Variants in DNHD1 observed in about 807,000 individuals in gnomAD.
DNHD1 encodes the protein dynein heavy chain domain-containing protein 1.
A neutral mutation model predicts 458.1 loss-of-function variants in DNHD1; 383 were observed. That is an observed-to-expected ratio of 0.84 (90% CI 0.77 to 0.91). DNHD1 has a LOEUF of 0.91. Among genes scored for constraint, DNHD1 ranks in the 40% least tolerant of loss-of-function variants. DNHD1 has a pLI of 0.00. For synonymous variants in DNHD1, 2,203 were observed against 2,376.9 expected (o/e 0.93, Z 2.13); for missense variants, 5,336 against 5,866.1 (o/e 0.91, Z 2.95).
In DNHD1 at chr11:6,556,984, G is replaced by A; in HGVS notation, c.7689G>A (p.Leu2563=). The A allele has an allele frequency of 6.4e-7, 1 of 1,551,724 alleles. No individual in the cohort carries two copies. ...VERERALARG[L]VRASVEAWEA... is the part of the protein sequence containing the mutation. ...GGGAGCGTGCTCTGGCACGAGGTCT[G>A]GTTAGGGCCTCAGTAGAGGCCTGGG... The change falls in exon 25 of 43, where the codon CTG becomes CTA. Residue 2563 remains leucine (L), a synonymous_variant. Coordinates refer to ENST00000254579, the MANE Select transcript of DNHD1 (RefSeq NM_144666.3).
intron 4 of DNHD1, among the ~76,000 whole-genome samples, chr11:6,507,114 T>G (rs1442610254): frequency 6.6e-6 from 1 of 152,194 alleles, no homozygotes; most frequent in Non-Finnish European, 1.5e-5. Context: ...ATACTCCAGT[T>G]GATTCTGAGC....
chr11:6,520,180 G>T, intron 9 of DNHD1, 58 bp from the exon 10 acceptor site: 1 of 1,604,002 alleles, frequency 6.2e-7, no homozygotes, highest in Non-Finnish European at 8.5e-7. Context: ...CTCACAACCT[G>T]GTTTGAATCC....
rs374914137 is a variant in DNHD1, at chr11:6,570,864, A to G, written c.13352A>G (p.Glu4451Gly). Residue 4451 changes from glutamate to glycine, a missense_variant, in exon 42 of 43, where the codon GAG becomes GGG. By Grantham distance (98) the Glu-to-Gly change is moderately conservative. Coordinates refer to ENST00000254579, the MANE Select transcript of DNHD1 (RefSeq NM_144666.3). ...QRLVQVNRRL[E>G]SLQDLLTHVI... is the part of the protein sequence containing the mutation. ...CTAGTGCAAGTCAACCGGAGGCTGG[A>G]GTCACTGCAGGATCTGCTGACCCAC... The G allele has an allele frequency of 4.3e-6, 7 of 1,613,920 alleles. No homozygotes were observed. Among genetic ancestry groups the G allele is most frequent in the African/African-American group, 2.7e-5 (2 of 74,954 alleles).
rs1852763423 is a variant in DNHD1 at position 6,528,604 on chromosome 11, C to A, written c.1920C>A (p.Phe640Leu). ...AGCCCAGCGATGCTGTGAGCATCTT[C>A]TGTGGCCCGAATGTGGGATTGGTGT... ...QGQPSDAVSI[F>L]CGPNVGLVWP... The change falls in exon 11 of 43, where the codon TTC (phenylalanine) becomes TTA (leucine). Residue 640 changes from phenylalanine to leucine, a missense_variant. Coordinates refer to ENST00000254579, the MANE Select transcript of DNHD1 (RefSeq NM_144666.3). The A allele has an allele frequency of 6.4e-7, 1 of 1,551,628 alleles. No homozygotes were observed. The highest frequency in any genetic ancestry group is 1.4e-5 in the African/African-American group (1 of 73,058).
Position 6,566,332 on chromosome 11 carries a change from G to GCAGCTGAGTCCACCCCAT in DNHD1, c.11145_11146insCAGCTGAGTCCACCCCAT (p.Gln3715_Val3716insGlnLeuSerProProHis). 1 of 1,553,836 alleles carries GCAGCTGAGTCCACCCCAT rather than the reference G, an allele frequency of 6.4e-7. No individual in the cohort carries two copies. Among genetic ancestry groups the GCAGCTGAGTCCACCCCAT allele is most frequent in the African/African-American group, 1.4e-5 (1 of 73,228 alleles). On this transcript the variant is annotated inframe_insertion, in exon 34 of 43. Coordinates refer to ENST00000254579, the MANE Select transcript of DNHD1 (RefSeq NM_144666.3). ...AACGGGAGCAGCTGAGTCCACCCCA[G>GCAGCTGAGTCCACCCCAT]GTGCAGCCTGGCTTCTGTCTGTATC...
intron 10 of DNHD1, chr11:6,520,986 G>T: frequency 6.0e-6 from 3 of 501,460 alleles, no homozygotes; most frequent in Non-Finnish European, 7.7e-6. Flanking sequence ...AAGGTTCACT[G>T]AAAGGAACCT....
In DNHD1 at chr11:6,557,052, A is replaced by G; in HGVS notation, c.7757A>G (p.His2586Arg). 1 of 1,551,422 alleles carries G rather than the reference A, an allele frequency of 6.4e-7. No homozygotes were observed. The highest frequency in any genetic ancestry group is 8.7e-7 in the Non-Finnish European group (1 of 1,146,944). Residue 2586 changes from histidine to arginine, a missense_variant, in exon 25 of 43, where the codon CAC becomes CGC. By Grantham distance (29) the His-to-Arg change is conservative. Coordinates refer to ENST00000254579, the MANE Select transcript of DNHD1 (RefSeq NM_144666.3). ...TTCATGCCTTCACCCCTCCACCCAC[A>G]CTACCACTTCTCCCTACACTCTGTG... is the stretch of plus-strand genomic sequence containing the variant. ...NCFMPSPLHP[H>R]YHFSLHSVSH...
chr11:6,520,467 G>A, intron 10 of DNHD1, 178 bp downstream of exon 10: 6 of 1,445,360 alleles, frequency 4.2e-6, no homozygotes, highest in Non-Finnish European at 5.5e-6. Context: ...GTCAGGGAAT[G>A]TTTTTGCTCA....
At chr11:6,504,084 C>G (rs1268013594) in intron 4 of DNHD1, 1 of 152,190 alleles carries the variant, frequency 6.6e-6, no homozygotes, top group Non-Finnish European at 1.5e-5. Flanking sequence ...TCTAATACAG[C>G]CTCCCAAATA....
At position 6,547,951 on chromosome 11, in the gene DNHD1, T is replaced by C. The variant is rs189919115; in HGVS notation, c.6816T>C (p.Asp2272=). ...FLNRSQVDSD[D]VPDKCREHLL... is the part of the protein sequence containing the mutation. The stretch of plus-strand genomic sequence containing the variant: ...ACCGGTCCCAGGTTGACAGTGACGA[T>C]GTGCCAGATAAGTGCAGGGAACACT... Residue 2272 remains aspartate (D), a synonymous_variant, in exon 22 of 43, where the codon GAT becomes GAC. Coordinates refer to ENST00000254579, the MANE Select transcript of DNHD1 (RefSeq NM_144666.3). 16 of 1,551,868 alleles carry C rather than the reference T, an allele frequency of 1.0e-5. No individual in the cohort carries two copies. The Admixed American group carries it at 1.8e-4, about 17-fold the overall frequency.
In DNHD1 at chr11:6,544,948, G is replaced by T. The variant is rs1853175065; in HGVS notation, c.4009G>T (p.Glu1337Ter). 3 of 1,551,624 alleles carry T rather than the reference G, an allele frequency of 1.9e-6. No individual in the cohort carries two copies. The highest frequency in any genetic ancestry group is 2.0e-5 in the Admixed American group (1 of 50,988). ...LQQLLQAGSV[E>*]LEGIIMSLES... ...ACAACTGCTGCAAGCAGGATCGGTGGAGCTGGAGGGCATCATCATGAGTCT... is the reference window on the plus strand; with the variant it reads ...ACAACTGCTGCAAGCAGGATCGGTGTAGCTGGAGGGCATCATCATGAGTCT... Residue 1337 changes from glutamate (E) to a stop codon, truncating the protein, a stop_gained, in exon 21 of 43, where the codon GAG becomes TAG. Transcript: ENST00000254579. LOFTEE classifies it high-confidence loss of function.
chr11:6,557,230 T>C lies in DNHD1; in HGVS notation c.7935T>C (p.Arg2645=). The stretch of plus-strand genomic sequence containing the variant: ...TGATGGCCACACGCAATGTGGTGCG[T>C]CTTTGGTTGCATGAGGCACAGAGAA... ...TVMMATRNVV[R]LWLHEAQRTF... is the part of the protein sequence containing the mutation. The change falls in exon 25 of 43, where the codon CGT becomes CGC. Residue 2645 remains arginine (R), a synonymous_variant. Coordinates refer to ENST00000254579, the MANE Select transcript of DNHD1 (RefSeq NM_144666.3). The C allele has an allele frequency of 6.4e-7, 1 of 1,551,592 alleles. No individual in the cohort carries two copies. Among genetic ancestry groups the C allele is most frequent in the Non-Finnish European group, 8.7e-7 (1 of 1,146,996 alleles).
At chr11:6,566,499 T>G in intron 34 of DNHD1, 88 bp from the exon 35 acceptor site, 1 of 1,556,944 alleles carries the variant, frequency 6.4e-7, no homozygotes, top group Non-Finnish European at 8.7e-7. Flanking sequence ...CAGGCACAGG[T>G]CTATAGCAGG....
chr11:6,571,603 T>C lies in DNHD1; in HGVS notation c.13912-33T>C. 6.6e-7 allele frequency: 1 copy of C among 1,510,376 alleles called. No individual in the cohort carries two copies. The highest frequency in any genetic ancestry group is 8.9e-7 in the Non-Finnish European group (1 of 1,124,706). The allele number at this position is 1,510,376 out of a possible 1,614,324, so 93.6% of individuals were successfully genotyped here. ...TCCCACCTGCCACCTCCCAGCTTCC[T>C]AGCCTTGCCTGACCAGCTTCTGACG... On this transcript the variant is annotated intron_variant, in intron 42 of 42. Coordinates refer to ENST00000254579, the MANE Select transcript of DNHD1 (RefSeq NM_144666.3). The surrounding 1 kb of genome is among the most constrained non-coding windows in gnomAD (Gnocchi z 5.0).
Position 6,557,288 on chromosome 11 carries a change from C to A in DNHD1, c.7993C>A (p.Arg2665Ser). 1.9e-6 allele frequency: 3 copies of A among 1,551,532 alleles called. No homozygotes were observed. In the East Asian group the frequency reaches 7.3e-5, roughly 38 times the overall value. Residue 2665 changes from arginine (R) to serine (S), a missense_variant, in exon 25 of 43, where the codon CGC becomes AGC. Around this residue, in one of 4 missense-constraint regions of DNHD1, gnomAD observed 3,932 missense variants for 4,365.6 expected, o/e 0.90. Transcript: ENST00000254579. ...CGACCGGCTGGACAGCCCCAGGGAA[C>A]GCTCCTACTGTGCCAAGCTGCTCCT... ...FCDRLDSPRERSYCAKLLLVV... is the reference protein window; with the variant it reads ...FCDRLDSPRESSYCAKLLLVV...
chr11:6,548,593 A>G lies in DNHD1; in HGVS notation c.7099-52A>G, dbSNP rs1853271576. 6.5e-7 allele frequency: 1 copy of G among 1,541,584 alleles called. No homozygotes were observed. Among genetic ancestry groups the G allele is most frequent in the African/African-American group, 1.4e-5 (1 of 72,604 alleles). On this transcript the variant is annotated intron_variant, in intron 23 of 42. Transcript: ENST00000254579. This position sits in a 1 kb window ranked among gnomAD's most constrained non-coding sequence, Gnocchi z 4.4. ...CCCTTAGACTTTTATTTTCAGCTAG[A>G]TTACTGTCTTATACTGGAGGTGCTG... is the stretch of plus-strand genomic sequence containing the variant.
intron 24 of DNHD1, among the ~76,000 whole-genome samples, chr11:6,553,172 G>A (rs1246393938): frequency 3.3e-5 from 5 of 152,168 alleles, no homozygotes; most frequent in South Asian, 2.1e-4. Context: ...AAGACCAAAC[G>A]GAGTCTATCC....
rs1853194056 is a variant in DNHD1 at position 6,545,574 on chromosome 11, A to G, written c.4635A>G (p.Val1545=). The G allele has an allele frequency of 6.4e-7, 1 of 1,551,900 alleles. No individual in the cohort carries two copies. Among genetic ancestry groups the G allele is most frequent in the Admixed American group, 2.0e-5 (1 of 50,990 alleles). ...CCATGCATATGCGCAAGCTTGAGGT[A>G]CTGGTGAATTTTATGCGGGCCCAGA... ...MVSMHMRKLE[V]LVNFMRAQRA... is the part of the protein sequence containing the mutation. The change falls in exon 21 of 43, where the codon GTA becomes GTG. Residue 1545 remains valine (V), a synonymous_variant. Transcript: ENST00000254579. This position sits in a 1 kb window ranked among gnomAD's most constrained non-coding sequence, Gnocchi z 4.9.
rs1326392242 is a variant in DNHD1 at position 6,571,672 on chromosome 11, G to A, written c.13948G>A (p.Gly4650Arg). 6.2e-7 allele frequency: 1 copy of A among 1,606,822 alleles called. No homozygotes were observed. The highest frequency in any genetic ancestry group is 8.5e-7 in the Non-Finnish European group (1 of 1,176,454). ...TCCAAATCCCACGGTTCCAGAGAGAGGGCTGCTGCTGATCGGGCTACAGGT... is the reference window on the plus strand; with the variant it reads ...TCCAAATCCCACGGTTCCAGAGAGAAGGCTGCTGCTGATCGGGCTACAGGT... ...NGPNPTVPER[G>R]LLLIGLQVLH... Residue 4650 changes from glycine (G) to arginine (R), a missense_variant, in exon 43 of 43, where the codon GGG becomes AGG. Transcript: ENST00000254579. This position sits in a 1 kb window ranked among gnomAD's most constrained non-coding sequence, Gnocchi z 5.0.
Sources: allele counts gnomAD v4.1 joint callset (sites outside exome capture counted in the v4.1 genomes callset), GRCh38; gene constraint gnomAD v4.1.1; regional missense constraint gnomAD v4.1.1; non-coding constraint Gnocchi (gnomAD v3.1); transcripts MANE v1.5; gene names NCBI Gene and HGNC (gene_info 2026-07-23, HGNC 2026-07-21).